The following NIT1 variants were observed in gnomAD, a reference collection of about 807,000 sequenced individuals.
The protein encoded by NIT1 is deaminated glutathione amidase.
A neutral mutation model predicts 36.8 loss-of-function variants in NIT1; 30 were observed. The ratio of observed to expected loss-of-function variants is 0.82; its 90% CI spans 0.61 to 1.11. The LOEUF (loss-of-function observed/expected upper bound fraction) is 1.11. Among genes scored for constraint, NIT1 ranks in the 50% least tolerant of loss-of-function variants. NIT1 has a pLI of 0.00. For missense variants in NIT1, 438 were observed against 410.6 expected (o/e 1.07, Z -0.58); for synonymous variants, 151 against 155.6 (o/e 0.97, Z 0.22).
rs190215650 is a variant in NIT1, at chr1:161,120,578, G to T, written c.797G>T (p.Arg266Ile). ...AAQCGRHHEK[R>I]ASYGHSMVVD... ...CAGTGTGGACGCCACCATGAGAAGA[G>T]AGCAAGTTATGGCCACAGCATGGTG... The change falls in exon 7 of 7, where the codon AGA becomes ATA. Residue 266 changes from arginine (R) to isoleucine (I), a missense_variant. Transcript: ENST00000368009. 1.9e-6 allele frequency: 3 copies of T among 1,614,124 alleles called. No homozygotes were observed. Among genetic ancestry groups the T allele is most frequent in the Non-Finnish European group, 2.5e-6 (3 of 1,180,056 alleles).
downstream of NIT1, chr1:161,122,231 C>A: frequency 6.2e-7 from 1 of 1,614,212 alleles, no homozygotes. This position sits in a 1 kb window ranked among gnomAD's most constrained non-coding sequence, Gnocchi z 4.2. Flanking sequence ...TTACCAGCAG[C>A]TTGATGGCTT....
Position 161,118,833 on chromosome 1 carries a change from G to A in NIT1, c.50G>A (p.Cys17Tyr), listed in dbSNP as rs1216235650. ...CCTCACAGATTCCTGTCCCTTCTGT[G>A]TCCTGGACTCCGGATACCTCAACTC... ...RPPHRFLSLL[C>Y]PGLRIPQLSV... Residue 17 changes from cysteine to tyrosine, a missense_variant, in exon 2 of 7, where the codon TGT (cysteine) becomes TAT (tyrosine). Transcript: ENST00000368009. 6.2e-7 allele frequency: 1 copy of A among 1,614,020 alleles called. No individual in the cohort carries two copies. The highest frequency in any genetic ancestry group is 8.5e-7 in the Non-Finnish European group (1 of 1,180,030).
At chr1:161,123,852 C>G, downstream of NIT1, 1 of 1,613,742 alleles carries the variant, frequency 6.2e-7, no homozygotes, top group Non-Finnish European at 8.5e-7. Flanking sequence ...TTTTAGAGGG[C>G]TGGGGAGGCC....
chr1:161,123,361 C>A, downstream of NIT1: 1 of 845,830 alleles, frequency 1.2e-6, no homozygotes. Context: ...CATGTGAGAC[C>A]AGGTGCAGTG....
In NIT1 at chr1:161,118,287, T is replaced by G. The variant is rs1220323589; in HGVS notation, c.2+109T>G. On this transcript the variant is annotated intron_variant, in intron 1 of 6. Transcript: ENST00000368009. ...GAGAGGCGGGGAGGGACGGGCCAACTGGAGCGGGCGGCGGGAGGGTGGAGG... is the reference window on the plus strand; with the variant it reads ...GAGAGGCGGGGAGGGACGGGCCAACGGGAGCGGGCGGCGGGAGGGTGGAGG... 5.1e-6 allele frequency: 8 copies of G among 1,571,306 alleles called. No individual in the cohort carries two copies. In the Admixed American group the frequency reaches 1.4e-4, roughly 27 times the overall value.
chr1:161,122,121 T>A (rs200977008), downstream of NIT1: 1 of 1,608,508 alleles, frequency 6.2e-7, no homozygotes, highest in Admixed American at 1.7e-5. This position sits in a 1 kb window ranked among gnomAD's most constrained non-coding sequence, Gnocchi z 4.2. Flanking sequence ...ATGGGAACAG[T>A]CCCCAAAGTG....
At chr1:161,120,321 C>CACCT in intron 6 of NIT1, 89 bp downstream of exon 6, 1 of 1,521,130 alleles carries the variant, frequency 6.6e-7, no homozygotes, top group East Asian at 2.3e-5. Context: ...TTCCCCTTTC[C>CACCT]ACCTAATGGG....
Position 161,118,771 on chromosome 1 carries a change from T to C in NIT1, c.3-15T>C. 1 of 1,596,866 alleles carries C rather than the reference T, an allele frequency of 6.3e-7. No individual in the cohort carries two copies. The highest frequency in any genetic ancestry group is 8.6e-7 in the Non-Finnish European group (1 of 1,164,396). ...TGAAGAAGGGGTTGGTGTCCTCATA[T>C]CTCACCTTCCTCAGGCTGGGCTTCA... On this transcript the variant is annotated splice_polypyrimidine_tract_variant and intron_variant, in intron 1 of 6. Transcript: ENST00000368009.
At chr1:161,123,735 G>T (rs1034626931), downstream of NIT1, 8 of 1,025,226 alleles carry the variant, frequency 7.8e-6, no homozygotes, top group African/African-American at 1.6e-5. Flanking sequence ...GCAAGATGTG[G>T]GCGCACAGCA....
At chr1:161,118,408 G>T in intron 1 of NIT1, 1 of 1,533,442 alleles carries the variant, frequency 6.5e-7, no homozygotes, top group Non-Finnish European at 8.7e-7. Flanking sequence ...CGAGATTCTG[G>T]TGAAAGGGGA....
At chr1:161,119,012 T>C (rs765604545) in intron 2 of NIT1, 122 bp from the exon 3 acceptor site, 133 of 1,393,584 alleles carry the variant, frequency 9.5e-5, no homozygotes, top group Non-Finnish European at 1.3e-4. Flanking sequence ...TGGGTCAACG[T>C]GCCCTGTAAG....
chr1:161,123,234 T>C, downstream of NIT1: 2 of 1,609,496 alleles, frequency 1.2e-6, no homozygotes, highest in Non-Finnish European at 8.5e-7. Context: ...GACCAGAAAG[T>C]AAAAGGGAAG....
chr1:161,118,374 C>T (rs1655058537), intron 1 of NIT1, 196 bp downstream of exon 1: 2 of 1,523,380 alleles, frequency 1.3e-6, no homozygotes, highest in South Asian at 1.2e-5. Flanking sequence ...GGGTGGGAGA[C>T]GAGAGAGGGT....
chr1:161,122,606 A>T (rs1427895326), downstream of NIT1: 2 of 1,511,198 alleles, frequency 1.3e-6, no homozygotes, highest in African/African-American at 2.8e-5. This position sits in a 1 kb window ranked among gnomAD's most constrained non-coding sequence, Gnocchi z 4.2. Context: ...TGAAAAGCAC[A>T]ACAGAATAAA....
At chr1:161,123,816 A>T (rs1202082143), downstream of NIT1, 4 of 1,586,496 alleles carry the variant, frequency 2.5e-6, no homozygotes, top group South Asian at 1.1e-5. Flanking sequence ...GATGGAAAGC[A>T]GGGGGAGTTA....
rs1302247186 is a variant in NIT1 at position 161,120,205 on chromosome 1, A to C, written c.690A>C (p.Gly230=). Residue 230 remains glycine, a synonymous_variant, in exon 6 of 7, where the codon GGA becomes GGC. Transcript: ENST00000368009. ...TACTTACCTATCCTTCAGCTTTTGG[A>C]TCCATTACAGGCCCAGCCCACTGGG... is the stretch of plus-strand genomic sequence containing the variant. ...AEILTYPSAF[G]SITGPAHWEV... The C allele has an allele frequency of 1.1e-5, 17 of 1,614,026 alleles. No individual in the cohort carries two copies. The highest frequency in any genetic ancestry group is 1.4e-5 in the Non-Finnish European group (17 of 1,179,998).
chr1:161,118,559 C>T lies in NIT1; in HGVS notation c.3-227C>T, dbSNP rs1185909089. ...AAGAGGCTTCAGTTTAATGTGAGATCATTGGAAGTTGAACTATTCAGGCGG... is the reference window on the plus strand; with the variant it reads ...AAGAGGCTTCAGTTTAATGTGAGATTATTGGAAGTTGAACTATTCAGGCGG... On this transcript the variant is annotated intron_variant, in intron 1 of 6. Coordinates refer to ENST00000368009, the MANE Select transcript of NIT1 (RefSeq NM_005600.3). The T allele has an allele frequency of 2.1e-5, 32 of 1,536,160 alleles. No homozygotes were observed. The East Asian group carries it at 7.8e-4, about 38-fold the overall frequency.
chr1:161,120,736 T>C lies in NIT1; in HGVS notation c.955T>C (p.Tyr319His). The C allele has an allele frequency of 6.2e-7, 1 of 1,613,736 alleles. No individual in the cohort carries two copies. Among genetic ancestry groups the C allele is most frequent in the Non-Finnish European group, 8.5e-7 (1 of 1,180,040 alleles). Residue 319 changes from tyrosine (Y) to histidine (H), a missense_variant, in exon 7 of 7, where the codon TAT becomes CAT. Coordinates refer to ENST00000368009, the MANE Select transcript of NIT1 (RefSeq NM_005600.3). ...PVFQHRRPDL[Y>H]GNLGHPLS ...GTTCCAGCACCGCAGGCCTGACCTC[T>C]ATGGCAATCTGGGTCACCCACTGTC...
chr1:161,120,811 T>TG lies in NIT1; in HGVS notation c.*47dup, dbSNP rs764306371. Reference sequence around the variant, plus strand: ...AGACCTGCCCCTCCCACCCCCACCCTGCCACTATGAGCTAGTGCTCATGTG... The same window carrying TG: ...AGACCTGCCCCTCCCACCCCCACCCTGGCCACTATGAGCTAGTGCTCATGTG... On this transcript the variant is annotated 3_prime_UTR_variant, in exon 7 of 7. Coordinates refer to ENST00000368009, the MANE Select transcript of NIT1 (RefSeq NM_005600.3). The TG allele has an allele frequency of 3.3e-6, 3 of 917,788 alleles. No homozygotes were observed. The highest frequency in any genetic ancestry group is 3.6e-5 in the Admixed American group (2 of 55,260). 56.9% of individuals were successfully genotyped at this position (917,788 alleles called of 1,614,324 possible).
Sources: gnomAD v4.1 joint callset for allele counts on GRCh38, gnomAD v4.1.1 for gene constraint, Gnocchi (gnomAD v3.1) non-coding constraint, MANE v1.5 for transcripts, NCBI Gene and HGNC (gene_info 2026-07-23, HGNC 2026-07-21) for gene names.